CCDC102B: variants seen among roughly 807,000 people sequenced by gnomAD.
CCDC102B encodes the protein coiled-coil domain containing 102B, also known as coiled-coil domain-containing protein 102B.
A neutral mutation model predicts 57.4 loss-of-function variants in CCDC102B; 75 were observed. The ratio of observed to expected loss-of-function variants is 1.31; its 90% CI spans 1.08 to 1.58. The LOEUF (loss-of-function observed/expected upper bound fraction) is 1.58, where lower values mean the gene tolerates loss of function less well. Among genes scored for constraint, CCDC102B ranks in the 40% most tolerant of loss-of-function variants. The pLI is 0.00. For missense variants in CCDC102B, 636 were observed against 582.6 expected, an observed-to-expected ratio of 1.09 and a Z score of -0.94; for synonymous variants, 206 against 201.9, an observed-to-expected ratio of 1.02 and a Z score of -0.17.
intron 6 of CCDC102B, among the ~76,000 whole-genome samples, chr18:69,000,881 ATTT>A (rs1420675641): frequency 1.3e-5 from 2 of 152,084 alleles, no homozygotes; most frequent in African/African-American, 4.8e-5. Flanking sequence ...TTCTATTTTG[ATTT>A]TTTTCATACT....
At chr18:68,886,131 G>A (rs547900094) in intron 5 of CCDC102B, among the ~76,000 whole-genome samples, 3 of 151,820 alleles carry the variant, frequency 2.0e-5, no homozygotes, top group Non-Finnish European at 4.4e-5. Context: ...AGAACTTTGG[G>A]AGAATATATA....
At chr18:68,777,796 C>T (rs2034875496) in intron 2 of CCDC102B, among the ~76,000 whole-genome samples, 1 of 152,022 alleles carries the variant, frequency 6.6e-6, no homozygotes, top group Non-Finnish European at 1.5e-5. Flanking sequence ...TAACTAAGAA[C>T]AGTTTCCTAA....
intron 6 of CCDC102B, among the ~76,000 whole-genome samples, chr18:68,901,906 CT>C (rs1394294891): frequency 6.6e-6 from 1 of 152,148 alleles, no homozygotes; most frequent in Non-Finnish European, 1.5e-5. Context: ...TGATGGAAAA[CT>C]TCCTACTGTC....
intron 4 of CCDC102B, among the ~76,000 whole-genome samples, chr18:68,856,312 A>G (rs1357598220): frequency 6.6e-6 from 1 of 152,116 alleles, no homozygotes; most frequent in Admixed American, 6.6e-5. Flanking sequence ...CTCTTAAGAC[A>G]CACGGTGTTG....
intron 5 of CCDC102B, among the ~76,000 whole-genome samples, chr18:68,882,069 AT>A (rs1384149646): frequency 6.6e-6 from 1 of 152,226 alleles, no homozygotes; most frequent in African/African-American, 2.4e-5. Flanking sequence ...TTTAACTATT[AT>A]TAGCATTTTA....
intron 2 of CCDC102B, among the ~76,000 whole-genome samples, chr18:68,724,058 T>G (rs1445032997): frequency 2.6e-5 from 4 of 152,204 alleles, no homozygotes; most frequent in African/African-American, 9.6e-5. Flanking sequence ...ACCCACAGGC[T>G]TAACACCATG....
At chr18:68,993,790 A>G (rs1452767614) in intron 6 of CCDC102B, among the ~76,000 whole-genome samples, 2 of 152,172 alleles carry the variant, frequency 1.3e-5, no homozygotes, top group African/African-American at 2.4e-5. Context: ...GAATGTAGTA[A>G]ATTTCTCCGG....
intron 2 of CCDC102B, among the ~76,000 whole-genome samples, chr18:68,729,443 A>G (rs1013232664): frequency 2.6e-5 from 4 of 152,180 alleles, no homozygotes; most frequent in African/African-American, 4.8e-5. Flanking sequence ...ACTGAGGGCA[A>G]TGTAGTGTTG....
intron 2 of CCDC102B, among the ~76,000 whole-genome samples, chr18:68,792,633 A>C (rs773554238): frequency 3.3e-5 from 5 of 152,186 alleles, no homozygotes; most frequent in Non-Finnish European, 7.3e-5. Context: ...CTTAACTGTC[A>C]GAATGTTTCT....
chr18:69,004,461 T>C (rs1440489743), intron 6 of CCDC102B, among the ~76,000 whole-genome samples: 1 of 151,776 alleles, frequency 6.6e-6, no homozygotes, highest in African/African-American at 2.4e-5. Flanking sequence ...GTGGGGAGTC[T>C]CTTTGCAGCC....
intron 6 of CCDC102B, among the ~76,000 whole-genome samples, chr18:68,981,561 A>T (rs1325463897): frequency 6.6e-6 from 1 of 152,044 alleles, no homozygotes; most frequent in Non-Finnish European, 1.5e-5. Flanking sequence ...CAAACAAAAA[A>T]ACCATGTGTT....
chr18:68,945,223 T>C (rs979038913), intron 6 of CCDC102B, among the ~76,000 whole-genome samples: 2 of 151,826 alleles, frequency 1.3e-5, no homozygotes, highest in Admixed American at 1.3e-4. Flanking sequence ...GACAATCACT[T>C]ATTTTACATA....
intron 6 of CCDC102B, among the ~76,000 whole-genome samples, chr18:68,932,886 C>T (rs1338873708): frequency 6.6e-6 from 1 of 151,832 alleles, no homozygotes; most frequent in Non-Finnish European, 1.5e-5. Context: ...CTGCTTTCTG[C>T]TCTTGAATAA....
At chr18:68,886,845 C>T (rs1030635843) in intron 5 of CCDC102B, among the ~76,000 whole-genome samples, 1 of 152,028 alleles carries the variant, frequency 6.6e-6, no homozygotes, top group Non-Finnish European at 1.5e-5. Context: ...GACATTCACT[C>T]ATTTCAATGG....
At chr18:68,957,568 T>TC (rs2049934960) in intron 6 of CCDC102B, among the ~76,000 whole-genome samples, 1 of 151,346 alleles carries the variant, frequency 6.6e-6, no homozygotes, top group Non-Finnish European at 1.5e-5. Context: ...TTTTTTTTTT[T>TC]TTTTTCTCTG....
At chr18:68,845,357 A>T (rs1037524449) in intron 3 of CCDC102B, among the ~76,000 whole-genome samples, 1 of 151,874 alleles carries the variant, frequency 6.6e-6, no homozygotes, top group Non-Finnish European at 1.5e-5. Flanking sequence ...TTATGAATAC[A>T]GTAAGTATGT....
chr18:68,722,433 A>G (rs1181756258), intron 2 of CCDC102B, among the ~76,000 whole-genome samples: 1 of 152,314 alleles, frequency 6.6e-6, no homozygotes, highest in Admixed American at 6.5e-5. Context: ...CTGTTATAAA[A>G]GACACCCCAC....
intron 2 of CCDC102B, among the ~76,000 whole-genome samples, chr18:68,742,606 T>C (rs999547845): frequency 3.9e-5 from 6 of 152,218 alleles, no homozygotes; most frequent in South Asian, 2.1e-4. Flanking sequence ...GTAAATTTAA[T>C]TGGTCATGGG....
At chr18:69,027,400 A>G (rs2052021988) in intron 7 of CCDC102B, among the ~76,000 whole-genome samples, 1 of 151,452 alleles carries the variant, frequency 6.6e-6, no homozygotes, top group Non-Finnish European at 1.5e-5. Context: ...TAAGGTAAGC[A>G]TATATATATA....
Sources: gnomAD v4.1 joint callset for allele counts (sites outside exome capture counted in the v4.1 genomes callset) on GRCh38, gnomAD v4.1.1 for gene constraint, MANE v1.5 for transcripts, NCBI Gene and HGNC (gene_info 2026-07-23, HGNC 2026-07-21) for gene names.